Variants in LCORL observed in about 807,000 individuals in gnomAD.
The protein encoded by LCORL is ligand-dependent nuclear receptor corepressor-like protein.
LCORL carries 41 observed loss-of-function variants against 141.8 expected under a neutral mutation model. The ratio of observed to expected loss-of-function variants is 0.29; its 90% confidence interval spans 0.23 to 0.38. The LOEUF (loss-of-function observed/expected upper bound fraction) is 0.38, where lower values mean the gene tolerates loss of function less well. Ranked by LOEUF, LCORL falls within the 10% of genes least tolerant of loss-of-function variation. The pLI is 1.00. For synonymous variants in LCORL, 618 were observed against 694.1 expected (o/e 0.89, Z 1.72); for missense variants, 1,759 against 2,035.0 (o/e 0.86, Z 2.61).
chr4:17,847,647 G>T lies in LCORL; in HGVS notation c.5603-1746C>A, dbSNP rs115472503. Among the ~76,000 whole-genome samples, 98 of 152,234 alleles carry T rather than the reference G, an allele frequency of 6.4e-4. 1 individual carries two copies. Among genetic ancestry groups the T allele is most frequent in the Non-Finnish European group, 1.1e-3 (72 of 68,006 alleles). On this transcript the variant is annotated intron_variant, in intron 7 of 7. Coordinates refer to ENST00000635767, the Ensembl canonical transcript of LCORL. Reference sequence around the variant, plus strand: ...ATGTGACAAAGAGATCCAAAGTACAGTATTTTCATACATATTAGAAATGAT... The same window carrying T: ...ATGTGACAAAGAGATCCAAAGTACATTATTTTCATACATATTAGAAATGAT...
At chr4:17,960,967 T>G (rs1713665327) in intron 4 of LCORL, among the ~76,000 whole-genome samples, 1 of 152,096 alleles carries the variant, frequency 6.6e-6, no homozygotes, top group African/African-American at 2.4e-5. Flanking sequence ...TTAGAACACT[T>G]AAGACTAAAC....
In LCORL at chr4:17,901,396, A is replaced by C. The variant is rs191938585; in HGVS notation, c.682+7698T>G. Among the ~76,000 whole-genome samples the C allele has an allele frequency of 9.3e-5, 14 of 151,138 alleles. No homozygotes were observed. In the East Asian group the frequency reaches 2.7e-3, roughly 29 times the overall value. On this transcript the variant is annotated intron_variant, in intron 5 of 7. Transcript: ENST00000635767. ...AAAAAGAAAATGAAATAAAAAAAAAAACAACAAAATCCTGAGAGTTTACTA... is the reference window on the plus strand; with the variant it reads ...AAAAAGAAAATGAAATAAAAAAAAACACAACAAAATCCTGAGAGTTTACTA...
chr4:17,912,475 C>T, intron 4 of LCORL: 3 of 537,952 alleles, frequency 5.6e-6, no homozygotes, highest in South Asian at 3.0e-5. Context: ...TGAGCTGGCT[C>T]AGAAGAACCG....
intron 6 of LCORL, chr4:17,880,990 T>C: frequency 1.0e-6 from 1 of 983,522 alleles, no homozygotes; most frequent in Non-Finnish European, 1.2e-6. Flanking sequence ...AATACTGCAA[T>C]TAAAAAACAA....
At chr4:17,862,259 A>T (rs1725099990) in intron 7 of LCORL, among the ~76,000 whole-genome samples, 3 of 152,234 alleles carry the variant, frequency 2.0e-5, no homozygotes, top group Admixed American at 2.0e-4. Context: ...ATCATGGCAA[A>T]AGGTGAAAGG....
intron 4 of LCORL, among the ~76,000 whole-genome samples, chr4:17,935,825 T>A (rs1736761905): frequency 6.6e-6 from 1 of 152,188 alleles, no homozygotes; most frequent in South Asian, 2.1e-4. Context: ...ATCAATAAAT[T>A]TTTAGAGCAT....
At chr4:17,963,683 G>A (rs532938419) in intron 2 of LCORL, among the ~76,000 whole-genome samples, 6 of 151,264 alleles carry the variant, frequency 4.0e-5, no homozygotes, top group Admixed American at 1.3e-4. Context: ...TCCAACTGTC[G>A]TAATATATTA....
At chr4:17,943,720 T>C (rs1035493675) in intron 4 of LCORL, among the ~76,000 whole-genome samples, 1 of 152,178 alleles carries the variant, frequency 6.6e-6, no homozygotes, top group Non-Finnish European at 1.5e-5. Flanking sequence ...ATAGCCCATG[T>C]AGAATGAGGA....
At chr4:17,965,802 T>C (rs1382117493) in intron 2 of LCORL, among the ~76,000 whole-genome samples, 8 of 152,150 alleles carry the variant, frequency 5.3e-5, no homozygotes, top group Non-Finnish European at 2.9e-5. Flanking sequence ...TTAAAGCATG[T>C]GTGAAACACC....
exon 8 of LCORL, chr4:17,843,523 C>A: frequency 7.3e-7 from 1 of 1,376,686 alleles, no homozygotes; most frequent in Non-Finnish European, 1.0e-6. Context: ...AACCTGATGT[C>A]TTTCTGAAGA....
chr4:17,883,477 C>G lies in LCORL; in HGVS notation c.776+2591G>C, dbSNP rs1403919438. On this transcript the variant is annotated intron_variant, in intron 6 of 7. Transcript: ENST00000635767. Reference sequence around the variant, plus strand: ...CACCTATTTATACAAGGATTAAATACAAACTATCAGAATTAAGTAAGCAAC... The same window carrying G: ...CACCTATTTATACAAGGATTAAATAGAAACTATCAGAATTAAGTAAGCAAC... The G allele has an allele frequency of 2.5e-6, 3 of 1,219,978 alleles. No individual in the cohort carries two copies. In the African/African-American group the frequency reaches 4.7e-5, roughly 19 times the overall value. 75.6% of individuals were successfully genotyped at this position (1,219,978 alleles called of 1,614,324 possible). A position where few individuals can be genotyped will look rare whatever the true frequency, so the allele number is the denominator to read the frequency against.
At chr4:17,859,392 A>G (rs1180257497) in intron 7 of LCORL, among the ~76,000 whole-genome samples, 1 of 152,194 alleles carries the variant, frequency 6.6e-6, no homozygotes, top group Non-Finnish European at 1.5e-5. Context: ...AATATGGTCA[A>G]ATCTGATATC....
chr4:17,997,382 G>A (rs1325556685), intron 1 of LCORL, among the ~76,000 whole-genome samples: 3 of 152,124 alleles, frequency 2.0e-5, no homozygotes, highest in African/African-American at 7.2e-5. Flanking sequence ...CTTGACAACA[G>A]GAACAATATT....
exon 5 of LCORL, chr4:17,909,137 T>C (rs1732106456): frequency 6.2e-7 from 1 of 1,613,050 alleles, no homozygotes; most frequent in South Asian, 1.1e-5. Context: ...CAGTGAGGTC[T>C]AAGGGGCCTT....
At chr4:17,945,438 G>A (rs554890307) in intron 4 of LCORL, among the ~76,000 whole-genome samples, 7 of 150,702 alleles carry the variant, frequency 4.6e-5, no homozygotes, top group South Asian at 2.1e-4. Flanking sequence ...AGAATTTATC[G>A]TCAATACAAC....
chr4:17,877,521 T>A, exon 7 of LCORL: 6 of 1,230,460 alleles, frequency 4.9e-6, no homozygotes, highest in Non-Finnish European at 6.1e-6. Flanking sequence ...ATCTTGATGA[T>A]CACTCTTATT....
At chr4:17,856,150 A>AATGACAC (rs1383680825) in intron 7 of LCORL, among the ~76,000 whole-genome samples, 6 of 152,222 alleles carry the variant, frequency 3.9e-5, no homozygotes, top group Non-Finnish European at 8.8e-5. Flanking sequence ...TAAAGCCATG[A>AATGACAC]ATGACACATT....
At chr4:17,905,833 C>T (rs1731525409) in intron 5 of LCORL, among the ~76,000 whole-genome samples, 1 of 151,806 alleles carries the variant, frequency 6.6e-6, no homozygotes, top group Non-Finnish European at 1.5e-5. Flanking sequence ...TAAGCACTAG[C>T]AAATAGCAAC....
intron 7 of LCORL, among the ~76,000 whole-genome samples, chr4:17,848,860 G>A (rs1431854443): frequency 3.9e-5 from 6 of 152,170 alleles, no homozygotes; most frequent in African/African-American, 1.2e-4. Flanking sequence ...CTTAAAAAAC[G>A]GCACACCAGG....
Sources: gnomAD v4.1 joint callset for allele counts (sites outside exome capture counted in the v4.1 genomes callset) on GRCh38, gnomAD v4.1.1 for gene constraint, MANE v1.5 for transcripts, NCBI Gene and HGNC (gene_info 2026-07-23, HGNC 2026-07-21) for gene names.